TTLL6: variants seen among roughly 807,000 people sequenced by gnomAD.
The protein encoded by TTLL6 is tubulin tyrosine ligase like 6, also known as tubulin polyglutamylase TTLL6.
A neutral mutation model predicts 96.4 loss-of-function variants in TTLL6; 75 were observed. The observed-to-expected ratio is 0.78, with a 90% CI of 0.65 to 0.94. The LOEUF is 0.94. Among genes scored for constraint, TTLL6 ranks in the 40% least tolerant of loss-of-function variants. TTLL6 has a pLI of 0.00. For synonymous variants in TTLL6, 411 were observed against 419.4 expected (o/e 0.98, Z 0.24); for missense variants, 1,030 against 1,093.0 (o/e 0.94, Z 0.81).
chr17:48,797,745 G>A (rs1439648111), intron 6 of TTLL6, among the ~76,000 whole-genome samples: 1 of 131,620 alleles, frequency 7.6e-6, no homozygotes, highest in African/African-American at 2.9e-5. Context: ...CCAAGTTCAC[G>A]CCACTTCACT....
Position 48,770,060 on chromosome 17 carries a change from G to A in TTLL6, c.2078C>T (p.Thr693Ile), listed in dbSNP as rs1029569146. The A allele has an allele frequency of 2.5e-6, 4 of 1,613,618 alleles. No homozygotes were observed. Among genetic ancestry groups the A allele is most frequent in the Admixed American group, 1.7e-5 (1 of 59,992 alleles). The change falls in exon 14 of 16, where the codon ACC becomes ATC. Residue 693 changes from threonine (T) to isoleucine (I), a missense_variant. Thr to Ile is a moderately conservative substitution (Grantham distance 89). Transcript: ENST00000393382. The part of the protein sequence containing the change: ...TSVETTPEST[T>I]QLSISPKSPP... ...AGACTTTGGGGAGATTGAGAGTTGG[G>A]TGGTGGATTCTGGGGTGGTTTCTAC...
At chr17:48,805,338 C>T (rs1276429286) in intron 1 of TTLL6, among the ~76,000 whole-genome samples, 2 of 152,158 alleles carry the variant, frequency 1.3e-5, no homozygotes, top group African/African-American at 2.4e-5. Context: ...GCCTTCCTAG[C>T]TGAGAGAGTT....
At chr17:48,800,025 A>T (rs2039382271) in intron 5 of TTLL6, 1 of 442,050 alleles carries the variant, frequency 2.3e-6, no homozygotes, top group African/African-American at 2.0e-5. Context: ...GACCTCTCTA[A>T]ACCTCAACTT....
chr17:48,779,589 A>T (rs562033284), intron 13 of TTLL6, among the ~76,000 whole-genome samples: 2 of 152,184 alleles, frequency 1.3e-5, no homozygotes, highest in Non-Finnish European at 2.9e-5. Flanking sequence ...CCACAAAATG[A>T]TGTGTACAAA....
At chr17:48,807,644 T>C (rs1268959729) in intron 1 of TTLL6, among the ~76,000 whole-genome samples, 1 of 150,774 alleles carries the variant, frequency 6.6e-6, no homozygotes, top group Non-Finnish European at 1.5e-5. Flanking sequence ...CCCAAGAAGC[T>C]GGGATTACAG....
At chr17:48,797,994 G>T (rs561759219) in intron 6 of TTLL6, among the ~76,000 whole-genome samples, 3 of 152,108 alleles carry the variant, frequency 2.0e-5, no homozygotes, top group African/African-American at 7.2e-5. Context: ...TGAAGTCTTA[G>T]CTACTCAGGA....
intron 1 of TTLL6, among the ~76,000 whole-genome samples, chr17:48,809,601 G>A (rs557203133): frequency 5.3e-4 from 81 of 152,270 alleles, no homozygotes; most frequent in Non-Finnish European, 9.4e-4. Context: ...GCTCACGCCT[G>A]TAATCCCAAC....
rs980699063 is a variant in TTLL6 at position 48,804,230 on chromosome 17, C to G, written c.324-302G>C. The G allele has an allele frequency of 7.2e-6, 4 of 559,306 alleles. No homozygotes were observed. In the Admixed American group the frequency reaches 9.1e-5, roughly 13 times the overall value. The allele number at this position is 559,306 out of a possible 1,614,324, so 34.6% of individuals were successfully genotyped here. A position where few individuals can be genotyped will look rare whatever the true frequency, so the allele number is the denominator to read the frequency against. Reference sequence around the variant, plus strand: ...TGCCTCAAGCCTTTTACTCCACTGGCTCATCAGGGACAGGAATTGAAAATA... The same window carrying G: ...TGCCTCAAGCCTTTTACTCCACTGGGTCATCAGGGACAGGAATTGAAAATA... On this transcript the variant is annotated intron_variant, in intron 2 of 15. Transcript: ENST00000393382.
chr17:48,811,374 GC>G (rs2039589819), intron 1 of TTLL6, among the ~76,000 whole-genome samples: 1 of 151,974 alleles, frequency 6.6e-6, no homozygotes, highest in Non-Finnish European at 1.5e-5. Context: ...ACCATGCCCA[GC>G]CTATTTTTCT....
chr17:48,778,008 G>T (rs1265098670), intron 13 of TTLL6, among the ~76,000 whole-genome samples: 2 of 152,198 alleles, frequency 1.3e-5, no homozygotes, highest in Non-Finnish European at 2.9e-5. Context: ...GGCGCCCGGT[G>T]GCTCACGCCT....
At chr17:48,810,234 T>C (rs1280217109) in intron 1 of TTLL6, among the ~76,000 whole-genome samples, 4 of 151,850 alleles carry the variant, frequency 2.6e-5, no homozygotes, top group South Asian at 2.1e-4. Flanking sequence ...AAGTAAAAAA[T>C]TGAGCCCATG....
intron 13 of TTLL6, among the ~76,000 whole-genome samples, chr17:48,771,653 A>G (rs1307887105): frequency 7.0e-6 from 1 of 142,620 alleles, no homozygotes; most frequent in African/African-American, 2.7e-5. Context: ...TAAAATGTGT[A>G]TATATACACA....
chr17:48,808,490 A>G (rs1243296205), intron 1 of TTLL6, among the ~76,000 whole-genome samples: 1 of 152,150 alleles, frequency 6.6e-6, no homozygotes, highest in Admixed American at 6.5e-5. Context: ...TACTACCAGC[A>G]ATATGCAACA....
intron 15 of TTLL6, among the ~76,000 whole-genome samples, chr17:48,767,635 G>A (rs745548559): frequency 1.3e-5 from 2 of 152,174 alleles, no homozygotes; most frequent in Admixed American, 6.5e-5. Context: ...GGAGGGAGAC[G>A]ATTCACATCT....
Position 48,768,953 on chromosome 17 carries a change from G to A in TTLL6, c.*36C>T, listed in dbSNP as rs575903635. The A allele has an allele frequency of 8.8e-5, 140 of 1,596,584 alleles. 1 individual carries two copies. The highest frequency in any genetic ancestry group is 3.6e-4 in the East Asian group (16 of 44,506). ...AGAAAAACACAGAGCACCTGCCAAC[G>A]CACCAAATTCATTAAGGGAATATGT... is the stretch of plus-strand genomic sequence containing the variant. On this transcript the variant is annotated intron_variant, in intron 15 of 15. Transcript: ENST00000393382.
Position 48,769,046 on chromosome 17 carries a change from A to G in TTLL6, c.2619T>C (p.Asp873=). The G allele has an allele frequency of 2.5e-6, 4 of 1,614,158 alleles. No individual in the cohort carries two copies. The highest frequency in any genetic ancestry group is 3.4e-6 in the Non-Finnish European group (4 of 1,180,018). ...TCAGGCAATGGCTGTATGCTTCTTG[A>G]TCCTGCATACATGGGTCCCTCATAG... ...ASAMRDPCMQ[D]QEAYSHCLIS... Residue 873 remains aspartate (D), a synonymous_variant, in exon 15 of 16, where the codon GAT becomes GAC. Transcript: ENST00000393382.
rs968334051 is a variant in TTLL6 at position 48,796,142 on chromosome 17, T to A, written c.917A>T (p.Asp306Val). Residue 306 changes from aspartate to valine, a missense_variant, in exon 8 of 16, where the codon GAT becomes GTT. By Grantham distance (152) the Asp-to-Val change is radical. Transcript: ENST00000393382. The stretch of plus-strand genomic sequence containing the variant: ...ATAATTAGTCAGGTGCATGCAGATA[T>A]CATCCTGGGGAAAAAGACACACATC... ...YSRPCTDNLDDICMHLTNYSI... is the reference protein window; with the variant it reads ...YSRPCTDNLDVICMHLTNYSI... The A allele has an allele frequency of 2.7e-5, 42 of 1,550,938 alleles. No individual in the cohort carries two copies. Among genetic ancestry groups the A allele is most frequent in the Non-Finnish European group, 3.5e-5 (40 of 1,146,630 alleles).
chr17:48,768,363 C>T (rs11654075), intron 15 of TTLL6, among the ~76,000 whole-genome samples: 39,807 of 151,946 alleles, frequency 0.26, 5,279 homozygotes, highest in Admixed American at 0.38. Context: ...CTCTCCCTCC[C>T]GGGTTCAAGC....
chr17:48,787,272 G>T (rs9906942), intron 11 of TTLL6, among the ~76,000 whole-genome samples: 1 of 152,066 alleles, frequency 6.6e-6, no homozygotes, highest in Non-Finnish European at 1.5e-5. Context: ...GCAGCTTTGA[G>T]GGGGTGGCTA....
Sources: gnomAD v4.1 joint callset for allele counts (sites outside exome capture counted in the v4.1 genomes callset) on GRCh38, gnomAD v4.1.1 for gene constraint, MANE v1.5 for transcripts, NCBI Gene and HGNC (gene_info 2026-07-23, HGNC 2026-07-21) for gene names.